FBXL7: variants seen among roughly 807,000 people sequenced by gnomAD.
FBXL7 encodes the protein F-box and leucine rich repeat protein 7.
Under a neutral mutation model 38.3 loss-of-function variants are expected in FBXL7, and 12 were observed. The ratio of observed to expected loss-of-function variants is 0.31; its 90% CI spans 0.20 to 0.51. FBXL7 has a LOEUF of 0.51. Among genes scored for constraint, FBXL7 ranks in the 20% least tolerant of loss-of-function variants. The probability of loss-of-function intolerance (pLI) is 0.98; values close to 1 mark genes in which losing one functional copy is unlikely to be tolerated. For synonymous variants in FBXL7, 297 were observed against 300.9 expected, an observed-to-expected ratio of 0.99 and a Z score of 0.13; for missense variants, 567 against 676.4, an observed-to-expected ratio of 0.84 and a Z score of 1.79.
intron 2 of FBXL7, among the ~76,000 whole-genome samples, chr5:15,923,931 T>A (rs933146953): frequency 6.6e-6 from 1 of 152,110 alleles, no homozygotes; most frequent in South Asian, 2.1e-4. Context: ...TGCTTCAAGA[T>A]GAATACAACC....
chr5:15,650,259 C>T (rs1281246984), intron 2 of FBXL7, among the ~76,000 whole-genome samples: 7 of 152,114 alleles, frequency 4.6e-5, no homozygotes, highest in Non-Finnish European at 8.8e-5. Flanking sequence ...TCCCAGTGCA[C>T]GTAAAAGTTA....
chr5:15,853,871 G>T (rs1739174767), intron 2 of FBXL7, among the ~76,000 whole-genome samples: 1 of 152,196 alleles, frequency 6.6e-6, no homozygotes, highest in Non-Finnish European at 1.5e-5. Context: ...AATTTGTTCA[G>T]TACACAGCTC....
In FBXL7 at chr5:15,936,940, C is replaced by T. The variant is rs1201545031; in HGVS notation, c.1230C>T (p.Gly410=). ...CCAAACTCAAATCCCTGGATATCGG[C>T]AAATGCCCTTTGGTATCCGACACGG... ...NCTKLKSLDI[G]KCPLVSDTGL... Residue 410 remains glycine (G), a synonymous_variant, in exon 4 of 4, where the codon GGC becomes GGT. Transcript: ENST00000504595. The surrounding 1 kb of genome is among the most constrained non-coding windows in gnomAD (Gnocchi z 6.0). 1.9e-6 allele frequency: 3 copies of T among 1,614,052 alleles called. No homozygotes were observed. The highest frequency in any genetic ancestry group is 2.2e-5 in the East Asian group (1 of 44,868).
intron 1 of FBXL7, among the ~76,000 whole-genome samples, chr5:15,542,893 A>G (rs1737795039): frequency 6.6e-6 from 1 of 152,172 alleles, no homozygotes; most frequent in Admixed American, 6.5e-5. Flanking sequence ...GTGCTTTCAG[A>G]GTACAGAACA....
intron 2 of FBXL7, among the ~76,000 whole-genome samples, chr5:15,728,839 G>A (rs910076545): frequency 6.6e-6 from 1 of 152,094 alleles, no homozygotes; most frequent in African/African-American, 2.4e-5. Flanking sequence ...TTTGTGAAAC[G>A]TGGATGTAAA....
intron 2 of FBXL7, among the ~76,000 whole-genome samples, chr5:15,861,674 G>A (rs1293809933): frequency 2.0e-5 from 3 of 152,218 alleles, no homozygotes; most frequent in South Asian, 2.1e-4. Flanking sequence ...ACAGAAGAGA[G>A]AGAGCTGGTA....
intron 2 of FBXL7, among the ~76,000 whole-genome samples, chr5:15,694,666 CT>C (rs1231996337): frequency 6.9e-6 from 1 of 144,160 alleles, no homozygotes; most frequent in Non-Finnish European, 1.5e-5. Flanking sequence ...TTTGACACCT[CT>C]GTCATTTTGA....
chr5:15,809,235 C>T (rs920514263), intron 2 of FBXL7, among the ~76,000 whole-genome samples: 7 of 152,118 alleles, frequency 4.6e-5, no homozygotes, highest in Non-Finnish European at 8.8e-5. Context: ...GTTATTTGAA[C>T]GTTGAACTTT....
intron 2 of FBXL7, among the ~76,000 whole-genome samples, chr5:15,869,926 A>G (rs1739880168): frequency 6.6e-6 from 1 of 152,268 alleles, no homozygotes; most frequent in Non-Finnish European, 1.5e-5. Context: ...CCTGGGCAAC[A>G]TGATGAAATC....
intron 2 of FBXL7, among the ~76,000 whole-genome samples, chr5:15,660,908 AT>A (rs536629812): frequency 1.3e-5 from 2 of 151,272 alleles, no homozygotes; most frequent in African/African-American, 2.4e-5. Flanking sequence ...TAATCTAACT[AT>A]TTTTTTTTAT....
chr5:15,622,620 A>C (rs1055751528), intron 2 of FBXL7, among the ~76,000 whole-genome samples: 1 of 152,104 alleles, frequency 6.6e-6, no homozygotes, highest in Non-Finnish European at 1.5e-5. Context: ...TGAACTCATC[A>C]TTTTTTATGG....
intron 1 of FBXL7, among the ~76,000 whole-genome samples, chr5:15,603,335 G>A (rs1739867643): frequency 6.6e-6 from 1 of 152,182 alleles, no homozygotes; most frequent in African/African-American, 2.4e-5. Context: ...ATTTATGTGT[G>A]TACCATTCCA....
At position 15,536,268 on chromosome 5, in the gene FBXL7, A is replaced by G. The variant is rs139811785; in HGVS notation, c.37+35555A>G. Among the ~76,000 whole-genome samples, 509 of 152,350 alleles carry G rather than the reference A, an allele frequency of 3.3e-3. 2 individuals carry two copies. Among genetic ancestry groups the G allele is most frequent in the African/African-American group, 0.011 (441 of 41,580 alleles). On this transcript the variant is annotated intron_variant, in intron 1 of 3. Transcript: ENST00000504595. The stretch of plus-strand genomic sequence containing the variant: ...TGTGGGGTTGGAGACTGCACATAGA[A>G]TCCCTCTGGGGTACTGTCTAATGGA...
At chr5:15,564,014 T>G (rs767053358) in intron 1 of FBXL7, among the ~76,000 whole-genome samples, 2 of 152,132 alleles carry the variant, frequency 1.3e-5, no homozygotes, top group African/African-American at 4.8e-5. Flanking sequence ...TGAAGCCCTT[T>G]TATCGTTGGA....
chr5:15,645,419 T>C, intron 2 of FBXL7, among the ~76,000 whole-genome samples: 1 of 152,156 alleles, frequency 6.6e-6, no homozygotes, highest in East Asian at 1.9e-4. Flanking sequence ...ATCTGTGACC[T>C]GGAAGCCTCT....
At chr5:15,852,615 A>C (rs1178666212) in intron 2 of FBXL7, among the ~76,000 whole-genome samples, 1 of 152,198 alleles carries the variant, frequency 6.6e-6, no homozygotes, top group African/African-American at 2.4e-5. Context: ...CAGAAGCTAC[A>C]TACTGACTGC....
At chr5:15,791,478 G>T (rs1737275532) in intron 2 of FBXL7, among the ~76,000 whole-genome samples, 1 of 152,154 alleles carries the variant, frequency 6.6e-6, no homozygotes, top group Admixed American at 6.5e-5. Context: ...CATGCTTCGG[G>T]TGCCACCTAG....
At chr5:15,741,913 C>T (rs957816402) in intron 2 of FBXL7, among the ~76,000 whole-genome samples, 1 of 152,106 alleles carries the variant, frequency 6.6e-6, no homozygotes, top group African/African-American at 2.4e-5. Flanking sequence ...GACAGTTATA[C>T]CATGTCCCTG....
At chr5:15,609,765 A>C (rs1477293973) in intron 1 of FBXL7, among the ~76,000 whole-genome samples, 1 of 152,168 alleles carries the variant, frequency 6.6e-6, no homozygotes, top group East Asian at 1.9e-4. Context: ...TGATGTAGCC[A>C]TGGTTCTAGC....
Sources: allele counts gnomAD v4.1 joint callset (sites outside exome capture counted in the v4.1 genomes callset), GRCh38; gene constraint gnomAD v4.1.1; non-coding constraint Gnocchi (gnomAD v3.1); transcripts MANE v1.5; gene names NCBI Gene and HGNC (gene_info 2026-07-23, HGNC 2026-07-21).